The following IPP variants were observed in gnomAD, a reference collection of about 807,000 sequenced individuals.
IPP encodes the protein actin-binding protein IPP.
Under a neutral mutation model 64.1 loss-of-function variants are expected in IPP, and 41 were observed. The observed-to-expected ratio is 0.64, with a 90% CI of 0.50 to 0.83. The LOEUF (loss-of-function observed/expected upper bound fraction) is 0.83, where lower values mean the gene tolerates loss of function less well. Among genes scored for constraint, IPP ranks in the 40% least tolerant of loss-of-function variants. The pLI, the probability that IPP is intolerant of heterozygous loss-of-function variation, is 0.00. For missense variants in IPP, 649 were observed against 703.0 expected (o/e 0.92, Z 0.87); for synonymous variants, 214 against 235.2 (o/e 0.91, Z 0.83).
chr1:45,695,189 C>CG (rs1645376123), downstream of IPP, among the ~76,000 whole-genome samples: 2 of 152,102 alleles, frequency 1.3e-5, no homozygotes, highest in African/African-American at 4.8e-5. Flanking sequence ...TGTTTAAACG[C>CG]AGGGTCTCAC....
At chr1:45,728,494 G>C (rs933244450) in intron 4 of IPP, among the ~76,000 whole-genome samples, 3 of 151,094 alleles carry the variant, frequency 2.0e-5, no homozygotes, top group Non-Finnish European at 2.9e-5. Context: ...AAAGTTTAAT[G>C]CTTTTTTTTT....
chr1:45,714,657 TGG>T (rs1444307062), intron 7 of IPP, among the ~76,000 whole-genome samples, 191 bp from the exon 8 acceptor site: 6 of 152,206 alleles, frequency 3.9e-5, no homozygotes, highest in Non-Finnish European at 7.3e-5. Flanking sequence ...AAAAAATTAG[TGG>T]AATTAATTTA....
intron 2 of IPP, 118 bp from the exon 3 acceptor site, chr1:45,741,450 A>G: frequency 1.5e-6 from 1 of 676,736 alleles, no homozygotes; most frequent in South Asian, 2.1e-5. Context: ...GTAGACAGAC[A>G]CTAAAAAAGG....
intron 5 of IPP, among the ~76,000 whole-genome samples, chr1:45,725,106 A>C (rs991559232): frequency 9.8e-6 from 1 of 102,544 alleles, no homozygotes; most frequent in Non-Finnish European, 2.0e-5. Flanking sequence ...CCCGTCCGGG[A>C]GGGGGGAGGG....
At position 45,746,350 on chromosome 1, in the gene IPP, T is replaced by G. The variant is rs779096122; in HGVS notation, c.62A>C (p.Gln21Pro). ...DSPFSSDKHA[Q>P]LILAQINKMR... is the part of the protein sequence containing the mutation. ...CTTATTGATTTGGGCCAAGATGAGT[T>G]GGGCATGTTTATCTGATGAAAAAGG... The change falls in exon 2 of 9, where the codon CAA becomes CCA. Residue 21 changes from glutamine to proline, a missense_variant. Coordinates refer to ENST00000396478, the MANE Select transcript of IPP (RefSeq NM_005897.3). 30 of 1,613,754 alleles carry G rather than the reference T, an allele frequency of 1.9e-5. No homozygotes were observed. The Middle Eastern group carries it at 4.9e-4, about 27-fold the overall frequency.
At chr1:45,741,783 T>C (rs1318427334) in intron 2 of IPP, among the ~76,000 whole-genome samples, 2 of 126,660 alleles carry the variant, frequency 1.6e-5, no homozygotes, top group East Asian at 2.5e-4. Context: ...CGCCCGCCAC[T>C]GCGCCCGGCT....
intron 5 of IPP, among the ~76,000 whole-genome samples, chr1:45,725,116 G>A (rs1645798165): frequency 7.2e-6 from 1 of 139,268 alleles, no homozygotes; most frequent in Non-Finnish European, 1.6e-5. Context: ...AGGGGGGAGG[G>A]GGGGTCAGCC....
chr1:45,694,506 CTG>C (rs1005744538), downstream of IPP: 8 of 1,527,574 alleles, frequency 5.2e-6, no homozygotes, highest in African/African-American at 9.7e-5. Context: ...AACCTCGTAT[CTG>C]TGAGTATCTG....
rs558476102 is a variant in IPP at position 45,699,362 on chromosome 1, T to C, written c.*604A>G. ...TGGAAAATTATGCTCTGGATATAAT[T>C]GTGAATATAGAGGTCTTTAAACTGT... On this transcript the variant is annotated 3_prime_UTR_variant, in exon 9 of 9. Coordinates refer to ENST00000396478, the MANE Select transcript of IPP (RefSeq NM_005897.3). The C allele has an allele frequency of 3.0e-4, 291 of 985,012 alleles. 2 individuals are homozygous for C. In the African/African-American group the frequency reaches 4.6e-3, roughly 16 times the overall value. 61.0% of individuals were successfully genotyped at this position (985,012 alleles called of 1,614,324 possible). A position where few individuals can be genotyped will look rare whatever the true frequency, so the allele number is the denominator to read the frequency against.
Position 45,699,321 on chromosome 1 carries a change from G to C in IPP, c.*645C>G, listed in dbSNP as rs181961855. On this transcript the variant is annotated 3_prime_UTR_variant, in exon 9 of 9. Coordinates refer to ENST00000396478, the MANE Select transcript of IPP (RefSeq NM_005897.3). ...ATCTATTTCATTGGCTTTCTCTGTG[G>C]CTCAAACTATGGCCATGGAAAATTA... 2.0e-6 allele frequency: 2 copies of C among 985,268 alleles called. No individual in the cohort carries two copies. The highest frequency in any genetic ancestry group is 2.4e-6 in the Non-Finnish European group (2 of 829,880). The allele number at this position is 985,268 out of a possible 1,614,324, so 61.0% of individuals were successfully genotyped here. A position where few individuals can be genotyped will look rare whatever the true frequency, so the allele number is the denominator to read the frequency against.
chr1:45,726,326 T>C (rs1645827297), intron 5 of IPP, among the ~76,000 whole-genome samples: 1 of 151,724 alleles, frequency 6.6e-6, no homozygotes, highest in South Asian at 2.1e-4. Flanking sequence ...GGCGTGGTGG[T>C]ACATGCCTGT....
chr1:45,700,725 T>C (rs1005182102), intron 8 of IPP, among the ~76,000 whole-genome samples: 8 of 152,224 alleles, frequency 5.3e-5, no homozygotes, highest in African/African-American at 1.9e-4. Flanking sequence ...TTATAAAACA[T>C]GATCAGGAAA....
chr1:45,737,456 T>C (rs532167608), intron 3 of IPP, among the ~76,000 whole-genome samples: 9 of 150,202 alleles, frequency 6.0e-5, no homozygotes, highest in Non-Finnish European at 1.5e-5. Context: ...AATAAACAAT[T>C]CTTTTTTTTT....
In IPP at chr1:45,738,857, A is replaced by C. The variant is rs1465529959; in HGVS notation, c.724+2044T>G. Reference sequence around the variant, plus strand: ...TCCATCTCAAAAAAAAAAAAAAAAAAAAAAAAAACAAGAAAAAAATCTATA... The same window carrying C: ...TCCATCTCAAAAAAAAAAAAAAAAACAAAAAAAACAAGAAAAAAATCTATA... On this transcript the variant is annotated intron_variant, in intron 3 of 8. Transcript: ENST00000396478. 2.8e-4 allele frequency among the ~76,000 whole-genome samples: 42 copies of C among 150,206 alleles called. 1 individual carries two copies. The highest frequency in any genetic ancestry group is 4.0e-4 in the Admixed American group (6 of 15,082).
chr1:45,740,772 GAAAA>G (rs767026897), intron 3 of IPP, 125 bp downstream of exon 3: 7 of 563,512 alleles, frequency 1.2e-5, no homozygotes, highest in African/African-American at 9.6e-5. Context: ...TTTAAAAAAA[GAAAA>G]AAAAAGAGTA....
intron 7 of IPP, among the ~76,000 whole-genome samples, chr1:45,715,304 C>T (rs1283837361): frequency 6.6e-6 from 1 of 151,610 alleles, no homozygotes; most frequent in Non-Finnish European, 1.5e-5. Context: ...TAGTGTTGTA[C>T]TTCATCTTCT....
intron 1 of IPP, among the ~76,000 whole-genome samples, chr1:45,747,582 C>T (rs1446222528): frequency 1.3e-5 from 2 of 151,988 alleles, no homozygotes; most frequent in Non-Finnish European, 2.9e-5. Flanking sequence ...AATCCCAGCA[C>T]GTTGGGATGC....
chr1:45,748,894 C>T (rs1181635049), intron 1 of IPP, among the ~76,000 whole-genome samples: 1 of 151,222 alleles, frequency 6.6e-6, no homozygotes, highest in Non-Finnish European at 1.5e-5. Context: ...ATCGCTTGAA[C>T]CTGGGAGGCA....
intron 8 of IPP, among the ~76,000 whole-genome samples, chr1:45,704,527 C>A (rs1214253512): frequency 6.6e-6 from 1 of 152,014 alleles, no homozygotes; most frequent in African/African-American, 2.4e-5. Flanking sequence ...TGAGACACCG[C>A]GCCCGGCGGA....
Sources: allele counts gnomAD v4.1 joint callset (sites outside exome capture counted in the v4.1 genomes callset), GRCh38; gene constraint gnomAD v4.1.1; transcripts MANE v1.5; gene names NCBI Gene and HGNC (gene_info 2026-07-23, HGNC 2026-07-21).